The following NOG variants were observed in gnomAD, a reference collection of about 807,000 sequenced individuals.
NOG encodes the protein symphalangism 1 (proximal).
NOG carries 2 observed loss-of-function variants against 17.9 expected under a neutral mutation model. The observed-to-expected ratio is 0.11, with a 90% CI of 0.05 to 0.35. The LOEUF (loss-of-function observed/expected upper bound fraction) is 0.35, where lower values mean the gene tolerates loss of function less well. NOG is among the 10% of genes least tolerant of loss of function. The pLI is 1.00. For synonymous variants in NOG, 166 were observed against 148.7 expected, an observed-to-expected ratio of 1.12 and a Z score of -0.85; for missense variants, 266 against 318.6, an observed-to-expected ratio of 0.83 and a Z score of 1.26.
Position 56,594,433 on chromosome 17 carries a change from C to T in NOG, c.210C>T (p.Leu70=). The change falls in exon 1 of 1, where the codon CTC becomes CTT. Residue 70 remains leucine, a synonymous_variant. Coordinates refer to ENST00000332822, the MANE Select transcript of NOG (RefSeq NM_005450.6). ...DLNETLLRSL[L]GGHYDPGFMA... ...ACGAGACGCTGCTGCGCTCGCTGCT[C>T]GGGGGCCACTACGACCCAGGCTTCA... 2.5e-6 allele frequency: 4 copies of T among 1,613,096 alleles called. No homozygotes were observed. The highest frequency in any genetic ancestry group is 3.4e-6 in the Non-Finnish European group (4 of 1,179,756).
rs1567744822 is a variant in NOG, at chr17:56,594,478, G to T, written c.255G>T (p.Glu85Asp). ...DPGFMATSPP[E>D]DRPGGGGGAA... ...GCTTCATGGCCACCTCGCCCCCCGA[G>T]GACCGGCCCGGCGGGGGCGGGGGTG... Residue 85 changes from glutamate (E) to aspartate (D), a missense_variant, in exon 1 of 1, where the codon GAG (glutamate) becomes GAT (aspartate). By Grantham distance (45) the Glu-to-Asp change is conservative. Around this residue, in one of 2 missense-constraint regions of NOG, gnomAD observed 192 missense variants for 197.6 expected, o/e 0.97. Transcript: ENST00000332822. The T allele has an allele frequency of 6.2e-7, 1 of 1,611,442 alleles. No homozygotes were observed. The highest frequency in any genetic ancestry group is 1.1e-5 in the South Asian group (1 of 91,016).
rs1328705140 is a variant in NOG at position 56,594,602 on chromosome 17, G to A, written c.379G>A (p.Glu127Lys). The change falls in exon 1 of 1, where the codon GAG becomes AAG. Residue 127 changes from glutamate to lysine, a missense_variant. Coordinates refer to ENST00000332822, the MANE Select transcript of NOG (RefSeq NM_005450.6). ...CGAGATCAAAGGGCTAGAGTTCTCC[G>A]AGGGCTTGGCCCAGGGCAAGAAGCA... ...PSEIKGLEFS[E>K]GLAQGKKQRL... 2.5e-6 allele frequency: 4 copies of A among 1,611,980 alleles called. No individual in the cohort carries two copies. The highest frequency in any genetic ancestry group is 1.1e-5 in the South Asian group (1 of 90,626).
chr17:56,594,139 G>A lies in NOG; in HGVS notation c.-85G>A. On this transcript the variant is annotated 5_prime_UTR_variant, in exon 1 of 1. Coordinates refer to ENST00000332822, the MANE Select transcript of NOG (RefSeq NM_005450.6). ...CGGGTGAGCCGCCTCCGGAGAGACG[G>A]GGGAGCGCGGCGGCGCCGCGGGCTC... 1.6e-6 allele frequency: 2 copies of A among 1,238,872 alleles called. No homozygotes were observed. 76.7% of individuals were successfully genotyped at this position (1,238,872 alleles called of 1,614,324 possible).
Position 56,593,976 on chromosome 17 carries a change from C to G in NOG, c.-248C>G, listed in dbSNP as rs968240770. ...CCTGGAGTAATTTCGGATGCCCAGC[C>G]GCGGCCGCCTTCCCCAGTAGACCCG... On this transcript the variant is annotated 5_prime_UTR_variant, in exon 1 of 1. Coordinates refer to ENST00000332822, the MANE Select transcript of NOG (RefSeq NM_005450.6). The G allele has an allele frequency of 7.0e-6, 3 of 426,806 alleles. No individual in the cohort carries two copies. The highest frequency in any genetic ancestry group is 1.2e-5 in the Non-Finnish European group (3 of 244,682). 26.4% of individuals were successfully genotyped at this position (426,806 alleles called of 1,614,324 possible).
In NOG at chr17:56,594,974, GC is replaced by G. The variant is rs2052473477; in HGVS notation, c.*57del. 7.5e-7 allele frequency: 1 copy of G among 1,337,758 alleles called. No homozygotes were observed. The highest frequency in any genetic ancestry group is 2.5e-5 in the East Asian group (1 of 39,376). 82.9% of individuals were successfully genotyped at this position (1,337,758 alleles called of 1,614,324 possible). A position where few individuals can be genotyped will look rare whatever the true frequency, so the allele number is the denominator to read the frequency against. ...GGACACTTGATCGATCCCCACCGAC[GC>G]CCCCTGCACCGCCTCCAACCAGTTC... is the stretch of plus-strand genomic sequence containing the variant. On this transcript the variant is annotated 3_prime_UTR_variant, in exon 1 of 1. Coordinates refer to ENST00000332822, the MANE Select transcript of NOG (RefSeq NM_005450.6).
At position 56,594,238 on chromosome 17, in the gene NOG, C is replaced by CA; in HGVS notation, c.16dup (p.Ser6LysfsTer50). The CA allele has an allele frequency of 6.3e-7, 1 of 1,591,642 alleles. No individual in the cohort carries two copies. Among genetic ancestry groups the CA allele is most frequent in the South Asian group, 1.1e-5 (1 of 89,000 alleles). ...GCGCCAGAGGCATGGAGCGCTGCCC[C>CA]AGCCTAGGGGTCACCCTCTACGCCC... On this transcript the variant is annotated frameshift_variant, in exon 1 of 1. Coordinates refer to ENST00000332822, the MANE Select transcript of NOG (RefSeq NM_005450.6). LOFTEE classifies it high-confidence loss of function.
rs2052462779 is a variant in NOG at position 56,594,034 on chromosome 17, C to T, written c.-190C>T. On this transcript the variant is annotated 5_prime_UTR_variant, in exon 1 of 1. Transcript: ENST00000332822. ...AGTTGCGGCCAACTTGTGTGCCTTTCTTCCGCCCCGGTGGGAGCCGGCGCT... is the reference window on the plus strand; with the variant it reads ...AGTTGCGGCCAACTTGTGTGCCTTTTTTCCGCCCCGGTGGGAGCCGGCGCT... 2.1e-6 allele frequency: 1 copy of T among 482,404 alleles called. No homozygotes were observed. Among genetic ancestry groups the T allele is most frequent in the Non-Finnish European group, 3.6e-6 (1 of 280,992 alleles). 29.9% of individuals were successfully genotyped at this position (482,404 alleles called of 1,614,324 possible).
Position 56,594,546 on chromosome 17 carries a change from T to C in NOG, c.323T>C (p.Leu108Pro). ...AEDLAELDQL[L>P]RQRPSGAMPS... ...GACCTGGCGGAGCTGGACCAGCTGCTGCGGCAGCGGCCGTCGGGGGCCATG... is the reference window on the plus strand; with the variant it reads ...GACCTGGCGGAGCTGGACCAGCTGCCGCGGCAGCGGCCGTCGGGGGCCATG... Residue 108 changes from leucine (L) to proline (P), a missense_variant, in exon 1 of 1, where the codon CTG becomes CCG. Transcript: ENST00000332822. The C allele has an allele frequency of 6.3e-7, 1 of 1,595,704 alleles. No individual in the cohort carries two copies. The highest frequency in any genetic ancestry group is 8.5e-7 in the Non-Finnish European group (1 of 1,170,306).
rs751414234 is a variant in NOG, at chr17:56,594,400, G to A, written c.177G>A (p.Lys59=). The A allele has an allele frequency of 3.1e-6, 5 of 1,613,338 alleles. No homozygotes were observed. In the South Asian group the frequency reaches 5.5e-5, roughly 18 times the overall value. Residue 59 remains lysine (K), a synonymous_variant, in exon 1 of 1, where the codon AAG becomes AAA. Transcript: ENST00000332822. ...ACCCTATCTTTGACCCCAAGGAAAA[G>A]GATCTGAACGAGACGCTGCTGCGCT... ...HPDPIFDPKE[K]DLNETLLRSL...
chr17:56,594,710 G>A lies in NOG; in HGVS notation c.487G>A (p.Asp163Asn), dbSNP rs2145567484. The A allele has an allele frequency of 2.5e-6, 4 of 1,613,852 alleles. No individual in the cohort carries two copies. Among genetic ancestry groups the A allele is most frequent in the Middle Eastern group, 1.6e-4 (1 of 6,062 alleles). Reference sequence around the variant, plus strand: ...CTGCCCCGTGCTGTACGCGTGGAACGACCTGGGCAGCCGCTTTTGGCCGCG... The same window carrying A: ...CTGCCCCGTGCTGTACGCGTGGAACAACCTGGGCAGCCGCTTTTGGCCGCG... ...TFCPVLYAWN[D>N]LGSRFWPRYV... The change falls in exon 1 of 1, where the codon GAC becomes AAC. Residue 163 changes from aspartate to asparagine, a missense_variant. Asp to Asn is a conservative substitution (Grantham distance 23, BLOSUM62 1). Around this residue, in one of 2 missense-constraint regions of NOG, gnomAD observed 74 missense variants for 121.0 expected, o/e 0.61. Transcript: ENST00000332822.
Position 56,594,263 on chromosome 17 carries a change from C to T in NOG, c.40C>T (p.Leu14=), listed in dbSNP as rs760219464. Residue 14 remains leucine (L), a synonymous_variant, in exon 1 of 1, where the codon CTG becomes TTG. Coordinates refer to ENST00000332822, the MANE Select transcript of NOG (RefSeq NM_005450.6). ...CAGCCTAGGGGTCACCCTCTACGCC[C>T]TGGTGGTGGTCCTGGGGCTGCGGGC... is the stretch of plus-strand genomic sequence containing the variant. ...CPSLGVTLYA[L]VVVLGLRATP... 2 of 1,609,492 alleles carry T rather than the reference C, an allele frequency of 1.2e-6. No homozygotes were observed. Among genetic ancestry groups the T allele is most frequent in the Admixed American group, 3.4e-5 (2 of 59,468 alleles).
Position 56,595,124 on chromosome 17 carries a change from G to A in NOG, c.*202G>A. The A allele has an allele frequency of 1.9e-6, 1 of 529,946 alleles. No individual in the cohort carries two copies. The highest frequency in any genetic ancestry group is 3.3e-6 in the Non-Finnish European group (1 of 301,010). The allele number at this position is 529,946 out of a possible 1,614,324, so 32.8% of individuals were successfully genotyped here. On this transcript the variant is annotated 3_prime_UTR_variant, in exon 1 of 1. Transcript: ENST00000332822. ...TGTTTAACTGTGTAGGAATGTATATGTGTGTGTATATACGGTCCCAGTTTT... is the reference window on the plus strand; with the variant it reads ...TGTTTAACTGTGTAGGAATGTATATATGTGTGTATATACGGTCCCAGTTTT...
Position 56,594,933 on chromosome 17 carries a change from C to T in NOG, c.*11C>T. 2 of 1,551,938 alleles carry T rather than the reference C, an allele frequency of 1.3e-6. No homozygotes were observed. Among genetic ancestry groups the T allele is most frequent in the Non-Finnish European group, 1.7e-6 (2 of 1,145,190 alleles). Reference sequence around the variant, plus strand: ...AAGTGCTCGTGCTAGAACTCGGGGGCCCCCTGCCCGCACCCGGACACTTGA... The same window carrying T: ...AAGTGCTCGTGCTAGAACTCGGGGGTCCCCTGCCCGCACCCGGACACTTGA... On this transcript the variant is annotated 3_prime_UTR_variant, in exon 1 of 1. Coordinates refer to ENST00000332822, the MANE Select transcript of NOG (RefSeq NM_005450.6).
rs2052470539 is a variant in NOG, at chr17:56,594,618, G to T, written c.395G>T (p.Gly132Val). The T allele has an allele frequency of 6.2e-7, 1 of 1,613,278 alleles. No individual in the cohort carries two copies. ...GAGTTCTCCGAGGGCTTGGCCCAGG[G>T]CAAGAAGCAGCGCCTAAGCAAGAAG... is the stretch of plus-strand genomic sequence containing the variant. The part of the protein sequence containing the change: ...GLEFSEGLAQ[G>V]KKQRLSKKLR... Residue 132 changes from glycine (G) to valine (V), a missense_variant, in exon 1 of 1, where the codon GGC (glycine) becomes GTC (valine). Transcript: ENST00000332822.
rs1407177094 is a variant in NOG at position 56,594,013 on chromosome 17, G to A, written c.-211G>A. 8.6e-6 allele frequency: 4 copies of A among 462,532 alleles called. No individual in the cohort carries two copies. Among genetic ancestry groups the A allele is most frequent in the African/African-American group, 8.3e-5 (4 of 48,374 alleles). 28.7% of individuals were successfully genotyped at this position (462,532 alleles called of 1,614,324 possible). ...CCCCAGTAGACCCGGGAGAGGAGTT[G>A]CGGCCAACTTGTGTGCCTTTCTTCC... On this transcript the variant is annotated 5_prime_UTR_variant, in exon 1 of 1. Coordinates refer to ENST00000332822, the MANE Select transcript of NOG (RefSeq NM_005450.6).
Position 56,594,638 on chromosome 17 carries a change from A to G in NOG, c.415A>G (p.Lys139Glu). The G allele has an allele frequency of 6.2e-7, 1 of 1,613,930 alleles. No individual in the cohort carries two copies. Among genetic ancestry groups the G allele is most frequent in the Non-Finnish European group, 8.5e-7 (1 of 1,179,912 alleles). The change falls in exon 1 of 1, where the codon AAG becomes GAG. Residue 139 changes from lysine to glutamate, a missense_variant. Lys to Glu is a moderately conservative substitution (Grantham distance 56). Around this residue, in one of 2 missense-constraint regions of NOG, gnomAD observed 192 missense variants for 197.6 expected, o/e 0.97. Coordinates refer to ENST00000332822, the MANE Select transcript of NOG (RefSeq NM_005450.6). ...LAQGKKQRLS[K>E]KLRRKLQMWL... is the part of the protein sequence containing the mutation. ...CCAGGGCAAGAAGCAGCGCCTAAGC[A>G]AGAAGCTGCGGAGGAAGTTACAGAT...
chr17:56,594,723 G>T lies in NOG; in HGVS notation c.500G>T (p.Arg167Leu). 1 of 1,613,892 alleles carries T rather than the reference G, an allele frequency of 6.2e-7. No individual in the cohort carries two copies. ...VLYAWNDLGS[R>L]FWPRYVKVGS... ...TACGCGTGGAACGACCTGGGCAGCCGCTTTTGGCCGCGCTACGTGAAGGTG... is the reference window on the plus strand; with the variant it reads ...TACGCGTGGAACGACCTGGGCAGCCTCTTTTGGCCGCGCTACGTGAAGGTG... The change falls in exon 1 of 1, where the codon CGC becomes CTC. Residue 167 changes from arginine to leucine, a missense_variant. Physicochemically the swap from Arg to Leu is moderately radical, Grantham distance 102. Around this residue, in one of 2 missense-constraint regions of NOG, gnomAD observed 74 missense variants for 121.0 expected, o/e 0.61. Coordinates refer to ENST00000332822, the MANE Select transcript of NOG (RefSeq NM_005450.6).
In NOG at chr17:56,594,047, G is replaced by A. The variant is rs1345124118; in HGVS notation, c.-177G>A. On this transcript the variant is annotated 5_prime_UTR_variant, in exon 1 of 1. Transcript: ENST00000332822. ...TTGTGTGCCTTTCTTCCGCCCCGGT[G>A]GGAGCCGGCGCTGCGCGAAGGGCTC... 2.4e-5 allele frequency: 12 copies of A among 489,852 alleles called. No homozygotes were observed. The African/African-American group carries it at 2.5e-4, about 10-fold the overall frequency. 30.3% of individuals were successfully genotyped at this position (489,852 alleles called of 1,614,324 possible). A position where few individuals can be genotyped will look rare whatever the true frequency, so the allele number is the denominator to read the frequency against.
rs1174465719 is a variant in NOG, at chr17:56,593,715, G to C, written c.-509G>C. The stretch of plus-strand genomic sequence containing the variant: ...GAGACAGACAAACCGGTGCCAACGT[G>C]CGCGGACGCCGCCGCCGCCGCCGCC... On this transcript the variant is annotated 5_prime_UTR_variant, in exon 1 of 1. Transcript: ENST00000332822. The C allele has an allele frequency of 1.8e-5, 3 of 169,710 alleles. No individual in the cohort carries two copies. Among genetic ancestry groups the C allele is most frequent in the Non-Finnish European group, 3.6e-5 (3 of 83,890 alleles). 10.5% of individuals were successfully genotyped at this position (169,710 alleles called of 1,614,324 possible).
Sources: gnomAD v4.1 joint callset for allele counts on GRCh38, gnomAD v4.1.1 for gene constraint, gnomAD v4.1.1 regional missense constraint, MANE v1.5 for transcripts, NCBI Gene and HGNC (gene_info 2026-07-23, HGNC 2026-07-21) for gene names.